C6orf52: variants seen among roughly 807,000 people sequenced by gnomAD.
The protein encoded by C6orf52 is putative uncharacterized protein C6orf52.
C6orf52 carries 16 observed loss-of-function variants against 16.6 expected under a neutral mutation model. The ratio of observed to expected loss-of-function variants is 0.96; its 90% confidence interval spans 0.65 to 1.46. The LOEUF is 1.46. Ranked by LOEUF, C6orf52 falls within the 40% of genes most tolerant of loss-of-function variation. The pLI is 0.00. For synonymous variants in C6orf52, 53 were observed against 61.4 expected (o/e 0.86, Z 0.64); for missense variants, 166 against 182.3 (o/e 0.91, Z 0.52).
At chr6:10,693,668 T>C (rs1347613271) in intron 1 of C6orf52, among the ~76,000 whole-genome samples, 2 of 152,238 alleles carry the variant, frequency 1.3e-5, no homozygotes, top group East Asian at 3.8e-4. Flanking sequence ...TTTACTCTGT[T>C]GGGAGCTTGT....
At chr6:10,685,245 A>T (rs1269979319) in intron 3 of C6orf52, among the ~76,000 whole-genome samples, 4 of 147,532 alleles carry the variant, frequency 2.7e-5, no homozygotes, top group African/African-American at 1.1e-4. Context: ...GAAGGGGCAA[A>T]AGAAAAAAAA....
rs1768935701 is a variant in C6orf52, at chr6:10,687,270, G to A, written c.72-106C>T. Reference sequence around the variant, plus strand: ...AGTAAGCTGAACACCTATGTTCAAAGCCATAGTTTGATACCTAATGTAGAT... The same window carrying A: ...AGTAAGCTGAACACCTATGTTCAAAACCATAGTTTGATACCTAATGTAGAT... On this transcript the variant is annotated intron_variant, in intron 2 of 4. Coordinates refer to ENST00000259983, the MANE Select transcript of C6orf52 (RefSeq NM_001145020.3). 5 of 868,048 alleles carry A rather than the reference G, an allele frequency of 5.8e-6. No homozygotes were observed. The East Asian group carries it at 7.9e-5, about 14-fold the overall frequency. 53.8% of individuals were successfully genotyped at this position (868,048 alleles called of 1,614,324 possible).
At chr6:10,680,613 T>TG (rs1768294095) in intron 4 of C6orf52, among the ~76,000 whole-genome samples, 1 of 152,102 alleles carries the variant, frequency 6.6e-6, no homozygotes, top group Non-Finnish European at 1.5e-5. Context: ...ATCTGGGGGC[T>TG]GGGCATGGTG....
intron 4 of C6orf52, among the ~76,000 whole-genome samples, chr6:10,679,455 A>T (rs1345337094): frequency 1.4e-5 from 2 of 147,614 alleles, no homozygotes; most frequent in African/African-American, 5.2e-5. Context: ...AAAAAAAAAT[A>T]GAAAAAAAAA....
intron 1 of C6orf52, among the ~76,000 whole-genome samples, chr6:10,693,901 A>G (rs1769589574): frequency 6.6e-6 from 1 of 152,062 alleles, no homozygotes; most frequent in South Asian, 2.1e-4. Context: ...GCTAATTTAT[A>G]ACATTTTTGT....
intron 2 of C6orf52, 78 bp downstream of exon 2, chr6:10,687,402 G>T: frequency 3.6e-6 from 4 of 1,121,312 alleles, no homozygotes; most frequent in Non-Finnish European, 5.2e-6. Flanking sequence ...AAAAGCCATA[G>T]TTTGTAAGTT....
At chr6:10,689,129 C>G (rs1164652405) in intron 1 of C6orf52, among the ~76,000 whole-genome samples, 3 of 152,370 alleles carry the variant, frequency 2.0e-5, no homozygotes, top group East Asian at 1.9e-4. Context: ...AGGTGCCCAC[C>G]ACCACGCCTG....
chr6:10,675,664 C>G (rs1355995324), intron 4 of C6orf52, among the ~76,000 whole-genome samples: 4 of 152,228 alleles, frequency 2.6e-5, no homozygotes, highest in Non-Finnish European at 5.9e-5. Context: ...GGGCTCTTTT[C>G]TTCACATCCT....
intron 1 of C6orf52, among the ~76,000 whole-genome samples, chr6:10,688,963 C>T (rs1023754274): frequency 1.3e-5 from 2 of 152,188 alleles, no homozygotes; most frequent in African/African-American, 4.8e-5. Flanking sequence ...AGGCATCTGG[C>T]ACCACGCCTG....
Position 10,687,562 on chromosome 6 carries a change from C to A in C6orf52, c.-11-1G>T, listed in dbSNP as rs781220945. The A allele has an allele frequency of 4.5e-6, 7 of 1,544,224 alleles. No individual in the cohort carries two copies. In the South Asian group the frequency reaches 8.4e-5, roughly 19 times the overall value. On this transcript the variant is annotated splice_acceptor_variant, in intron 1 of 4. Transcript: ENST00000259983. LOFTEE classifies it low-confidence loss of function (5UTR_SPLICE). ...TCTGGTTGGGCCATTTACCCAGAAA[C>A]TTTACAAAAAGAGAGCAGAATCCAG...
At chr6:10,672,259 G>A (rs1215236638) in intron 4 of C6orf52, among the ~76,000 whole-genome samples, 1 of 152,114 alleles carries the variant, frequency 6.6e-6, no homozygotes, top group Non-Finnish European at 1.5e-5. Context: ...TGTAATGGAA[G>A]AAGCCTTTTA....
chr6:10,694,585 C>CGA lies in C6orf52; in HGVS notation c.-104_-103insTC. 1.1e-5 allele frequency: 2 copies of CGA among 186,522 alleles called. No homozygotes were observed. Among genetic ancestry groups the CGA allele is most frequent in the South Asian group, 8.1e-5 (1 of 12,284 alleles). 11.6% of individuals were successfully genotyped at this position (186,522 alleles called of 1,614,324 possible). A position where few individuals can be genotyped will look rare whatever the true frequency, so the allele number is the denominator to read the frequency against. On this transcript the variant is annotated 5_prime_UTR_variant, in exon 1 of 5. Coordinates refer to ENST00000259983, the MANE Select transcript of C6orf52 (RefSeq NM_001145020.3). ...AGCCCACAACAATGCACGCTGCCGG[C>CGA]GCTACAGCCCCTAAGCAACCGGCCG...
At chr6:10,694,786 T>G (rs1769726623), upstream of C6orf52, 4 of 543,930 alleles carry the variant, frequency 7.4e-6, no homozygotes, top group Admixed American at 1.0e-4. Flanking sequence ...CTTATTCTCT[T>G]CTTGGAAAAT....
intron 1 of C6orf52, among the ~76,000 whole-genome samples, chr6:10,688,187 T>A (rs1197904368): frequency 6.6e-6 from 1 of 151,486 alleles, no homozygotes; most frequent in Non-Finnish European, 1.5e-5. Flanking sequence ...AAAGAAATAT[T>A]TCTCTGGTTC....
In C6orf52 at chr6:10,683,202, C is replaced by T; in HGVS notation, c.301G>A (p.Glu101Lys). 6.5e-7 allele frequency: 1 copy of T among 1,547,064 alleles called. No individual in the cohort carries two copies. The highest frequency in any genetic ancestry group is 8.7e-7 in the Non-Finnish European group (1 of 1,144,342). The part of the protein sequence containing the change: ...ETTPLAENQD[E>K]DPLEDPHLHL... ...TTTATGTTACCTTCTAGTGGGTCTT[C>T]ATCTTGGTTTTCAGCTAGAGGTGTG... Residue 101 changes from glutamate (E) to lysine (K), a missense_variant, in exon 4 of 5, where the codon GAA becomes AAA. By Grantham distance (56) the Glu-to-Lys change is moderately conservative. Coordinates refer to ENST00000259983, the MANE Select transcript of C6orf52 (RefSeq NM_001145020.3).
Position 10,694,590 on chromosome 6 carries a change from CAGCCCCTAAG to C in C6orf52, c.-118_-109del. ...ACAACAATGCACGCTGCCGGCGCTA[CAGCCCCTAAG>C]CAACCGGCCGGAAGTCGGCCCCACC... On this transcript the variant is annotated 5_prime_UTR_variant, in exon 1 of 5. Coordinates refer to ENST00000259983, the MANE Select transcript of C6orf52 (RefSeq NM_001145020.3). 1.2e-5 allele frequency: 2 copies of C among 172,406 alleles called. No individual in the cohort carries two copies. The highest frequency in any genetic ancestry group is 1.1e-4 in the South Asian group (1 of 8,774). 10.7% of individuals were successfully genotyped at this position (172,406 alleles called of 1,614,324 possible).
chr6:10,687,950 T>TA (rs948255245), intron 1 of C6orf52, among the ~76,000 whole-genome samples: 14 of 152,116 alleles, frequency 9.2e-5, no homozygotes, highest in African/African-American at 3.4e-4. Context: ...GAAACTCTAA[T>TA]AACTAAAACC....
At chr6:10,679,079 G>A (rs1768137485) in intron 4 of C6orf52, among the ~76,000 whole-genome samples, 1 of 151,524 alleles carries the variant, frequency 6.6e-6, no homozygotes, top group Admixed American at 6.6e-5. Flanking sequence ...GCAACAGAGT[G>A]AGACTCCATC....
chr6:10,671,617 G>A lies in C6orf52; in HGVS notation c.317-19C>T, dbSNP rs1445010785. ...TGTGGATCTGCAGAAGCCAATAATGGATATGAAAAAAATAGAGTTTTACAG... is the reference window on the plus strand; with the variant it reads ...TGTGGATCTGCAGAAGCCAATAATGAATATGAAAAAAATAGAGTTTTACAG... On this transcript the variant is annotated intron_variant, in intron 4 of 4. Transcript: ENST00000259983. 6.0e-6 allele frequency: 9 copies of A among 1,495,340 alleles called. No homozygotes were observed. Among genetic ancestry groups the A allele is most frequent in the African/African-American group, 2.9e-5 (2 of 70,030 alleles). The allele number at this position is 1,495,340 out of a possible 1,614,324, so 92.6% of individuals were successfully genotyped here. A position where few individuals can be genotyped will look rare whatever the true frequency, so the allele number is the denominator to read the frequency against.
Sources: gnomAD v4.1 joint callset for allele counts (sites outside exome capture counted in the v4.1 genomes callset) on GRCh38, gnomAD v4.1.1 for gene constraint, MANE v1.5 for transcripts, NCBI Gene and HGNC (gene_info 2026-07-23, HGNC 2026-07-21) for gene names.